The following HAO1 variants were observed in gnomAD, a reference collection of about 807,000 sequenced individuals.
The protein encoded by HAO1 is 2-Hydroxyacid oxidase 1.
Under a neutral mutation model 39.7 loss-of-function variants are expected in HAO1, and 34 were observed. That is an observed-to-expected ratio of 0.86 (90% CI 0.65 to 1.14). The LOEUF is 1.14. Ranked by LOEUF, HAO1 falls within the 50% of genes most tolerant of loss-of-function variation. HAO1 has a pLI of 0.00. For synonymous variants in HAO1, 172 were observed against 173.2 expected (o/e 0.99, Z 0.05); for missense variants, 479 against 464.5 (o/e 1.03, Z -0.29).
At position 7,914,400 on chromosome 20, in the gene HAO1, C is replaced by T. The variant is rs758582298; in HGVS notation, c.309G>A (p.Thr103=). The part of the protein sequence containing the change: ...ATVRACQSLG[T]GMMLSSWATS... ...TGGCCCAGGAACTCAACATCATGCCCGTTCCCAGGGACTGACAGGCTGAGA... is the reference window on the plus strand; with the variant it reads ...TGGCCCAGGAACTCAACATCATGCCTGTTCCCAGGGACTGACAGGCTGAGA... The change falls in exon 3 of 8, where the codon ACG becomes ACA. Residue 103 remains threonine (T), a synonymous_variant. Transcript: ENST00000378789. The T allele has an allele frequency of 8.1e-5, 131 of 1,613,596 alleles. No individual in the cohort carries two copies. The highest frequency in any genetic ancestry group is 1.0e-4 in the Non-Finnish European group (121 of 1,179,846).
chr20:7,894,126 C>A (rs1253365139), intron 5 of HAO1, among the ~76,000 whole-genome samples: 1 of 152,144 alleles, frequency 6.6e-6, no homozygotes, highest in Non-Finnish European at 1.5e-5. Flanking sequence ...CTTGATAGCA[C>A]CCCACCAACG....
At chr20:7,903,461 G>C (rs2122764875) in intron 4 of HAO1, among the ~76,000 whole-genome samples, 1 of 152,190 alleles carries the variant, frequency 6.6e-6, no homozygotes, top group South Asian at 2.1e-4. Flanking sequence ...TGATGATGGT[G>C]GTAGTGGTGG....
At chr20:7,904,298 C>G (rs1484970922) in intron 4 of HAO1, among the ~76,000 whole-genome samples, 1 of 152,174 alleles carries the variant, frequency 6.6e-6, no homozygotes, top group Non-Finnish European at 1.5e-5. Flanking sequence ...AATGTCTTCC[C>G]TGACCACAAT....
At chr20:7,890,845 A>G (rs780748952) in intron 5 of HAO1, among the ~76,000 whole-genome samples, 6 of 152,162 alleles carry the variant, frequency 3.9e-5, no homozygotes, top group Admixed American at 1.3e-4. Flanking sequence ...ATAGTGTTCA[A>G]TCTCATCCAG....
At chr20:7,915,127 A>C (rs78212067) in intron 2 of HAO1, among the ~76,000 whole-genome samples, 2,798 of 150,714 alleles carry the variant, frequency 0.019, 88 homozygotes, top group African/African-American at 0.063. Context: ...TCTCAAAAAA[A>C]AATAATATTA....
chr20:7,914,889 C>G (rs1207165417), intron 2 of HAO1, among the ~76,000 whole-genome samples: 2 of 152,092 alleles, frequency 1.3e-5, no homozygotes, highest in East Asian at 3.9e-4. Flanking sequence ...GAGGCTGAGG[C>G]GGGTGGATCA....
At chr20:7,930,861 T>C (rs918033324) in intron 2 of HAO1, among the ~76,000 whole-genome samples, 1 of 152,104 alleles carries the variant, frequency 6.6e-6, no homozygotes, top group Non-Finnish European at 1.5e-5. Flanking sequence ...CTGATGGAAA[T>C]GGGAAGTAAG....
chr20:7,892,948 A>G (rs1444408877), intron 5 of HAO1, among the ~76,000 whole-genome samples: 1 of 152,140 alleles, frequency 6.6e-6, no homozygotes, highest in Non-Finnish European at 1.5e-5. Context: ...GCAGAAAGCA[A>G]TTCCCTCTGT....
intron 3 of HAO1, among the ~76,000 whole-genome samples, chr20:7,910,212 C>T (rs1448031627): frequency 6.6e-6 from 1 of 152,124 alleles, no homozygotes. Context: ...TGTAGCAGAA[C>T]ATAAGCACTA....
At chr20:7,914,050 T>A in intron 3 of HAO1, 114 bp downstream of exon 3, 1 of 1,096,774 alleles carries the variant, frequency 9.1e-7, no homozygotes, top group Admixed American at 2.1e-5. Context: ...GGGATGTGAT[T>A]AGCTGAAGAT....
intron 4 of HAO1, among the ~76,000 whole-genome samples, chr20:7,903,529 T>C (rs1260058683): frequency 1.3e-5 from 2 of 151,372 alleles, no homozygotes; most frequent in Admixed American, 1.3e-4. Context: ...ATACTGGTGG[T>C]GGTGGTGGAG....
At chr20:7,912,880 A>G (rs1205816114) in intron 3 of HAO1, among the ~76,000 whole-genome samples, 2 of 152,224 alleles carry the variant, frequency 1.3e-5, no homozygotes, top group Non-Finnish European at 2.9e-5. Context: ...GGGAGGTAAC[A>G]TCACACAGCT....
At chr20:7,929,087 G>A (rs984395410) in intron 2 of HAO1, among the ~76,000 whole-genome samples, 15 of 137,656 alleles carry the variant, frequency 1.1e-4, no homozygotes, top group African/African-American at 3.9e-4. Flanking sequence ...TTGTTTGTTT[G>A]TTTGTTTGTT....
intron 5 of HAO1, among the ~76,000 whole-genome samples, chr20:7,891,489 G>T (rs1376831455): frequency 6.6e-6 from 1 of 152,036 alleles, no homozygotes; most frequent in Non-Finnish European, 1.5e-5. Flanking sequence ...CCATTCCATG[G>T]ATTGTCTATT....
chr20:7,906,141 G>T lies in HAO1; in HGVS notation c.721+13C>A. The T allele has an allele frequency of 6.3e-7, 1 of 1,582,478 alleles. No individual in the cohort carries two copies. Among genetic ancestry groups the T allele is most frequent in the Non-Finnish European group, 8.7e-7 (1 of 1,151,366 alleles). ...CAAAGTCAGTATGAATTCAAGTAGA[G>T]AAATAAACGAACCTCTCAAAATGCC... On this transcript the variant is annotated intron_variant, in intron 4 of 7. Transcript: ENST00000378789.
chr20:7,913,045 G>A (rs560358502), intron 3 of HAO1, among the ~76,000 whole-genome samples: 2 of 152,206 alleles, frequency 1.3e-5, no homozygotes, highest in East Asian at 3.9e-4. Context: ...TGAAATTCCA[G>A]GGGAATATTA....
chr20:7,896,291 A>G (rs959809231), intron 4 of HAO1, among the ~76,000 whole-genome samples: 4 of 152,182 alleles, frequency 2.6e-5, no homozygotes, highest in African/African-American at 9.7e-5. Flanking sequence ...CAGGTTTAAC[A>G]TTCAAAATGC....
intron 5 of HAO1, among the ~76,000 whole-genome samples, chr20:7,891,671 T>C (rs2050174815): frequency 6.6e-6 from 1 of 152,190 alleles, no homozygotes; most frequent in Non-Finnish European, 1.5e-5. Flanking sequence ...TTTTATAGCT[T>C]CAAGTCTTAG....
chr20:7,914,091 T>C, intron 3 of HAO1, 73 bp downstream of exon 3: 1 of 1,539,216 alleles, frequency 6.5e-7, no homozygotes, highest in Non-Finnish European at 8.9e-7. Context: ...TTGCTATCAG[T>C]AGAACCCAGA....
Sources: gnomAD v4.1 joint callset for allele counts (sites outside exome capture counted in the v4.1 genomes callset) on GRCh38, gnomAD v4.1.1 for gene constraint, MANE v1.5 for transcripts, NCBI Gene and HGNC (gene_info 2026-07-23, HGNC 2026-07-21) for gene names.